Variants in VSIG10L observed in about 807,000 individuals in gnomAD.
VSIG10L encodes the protein V-set and immunoglobulin domain-containing protein 10-like.
In VSIG10L, 63 loss-of-function variants were observed where a neutral mutation model predicts 67.3. The ratio of observed to expected loss-of-function variants is 0.94; its 90% CI spans 0.76 to 1.15. The LOEUF (loss-of-function observed/expected upper bound fraction) is 1.15. Ranked by LOEUF, VSIG10L falls within the 50% of genes most tolerant of loss-of-function variation. The pLI, the probability that VSIG10L is intolerant of heterozygous loss-of-function variation, is 0.00. For synonymous variants in VSIG10L, 499 were observed against 524.9 expected (o/e 0.95, Z 0.67); for missense variants, 1,050 against 1,177.5 (o/e 0.89, Z 1.58).
Position 51,340,202 on chromosome 19 carries a change from G to A in VSIG10L, c.1287C>T (p.Ala429=), listed in dbSNP as rs1274643187. ...TGTCGGCGGGCGGCCGCGAGGCGGC[G>A]GCGCAGCGCAAGGTCACGTTACTGC... ...TAGSNVTLRC[A]AASRPPADIT... The change falls in exon 4 of 10, where the codon GCC becomes GCT. Residue 429 remains alanine, a synonymous_variant. Coordinates refer to ENST00000335624, the MANE Select transcript of VSIG10L (RefSeq NM_001163922.3). This position sits in a 1 kb window ranked among gnomAD's most constrained non-coding sequence, Gnocchi z 6.3. The A allele has an allele frequency of 1.4e-6, 2 of 1,460,654 alleles. No individual in the cohort carries two copies. The highest frequency in any genetic ancestry group is 1.8e-6 in the Non-Finnish European group (2 of 1,111,772). The allele number at this position is 1,460,654 out of a possible 1,614,324, so 90.5% of individuals were successfully genotyped here.
Position 51,340,268 on chromosome 19 carries a change from G to T in VSIG10L, c.1221C>A (p.Ser407=). 2 of 1,518,982 alleles carry T rather than the reference G, an allele frequency of 1.3e-6. No individual in the cohort carries two copies. Among genetic ancestry groups the T allele is most frequent in the South Asian group, 2.4e-5 (2 of 82,976 alleles). The allele number at this position is 1,518,982 out of a possible 1,614,324, so 94.1% of individuals were successfully genotyped here. ...YGPDPPTITV[S]SDRDAAPARF... is the part of the protein sequence containing the mutation. ...GGGCAGGCGCGGCGTCGCGGTCCGA[G>T]GAGACCGTGATGGTCGGCGGGTCCG... Residue 407 remains serine (S), a synonymous_variant, in exon 4 of 10, where the codon TCC becomes TCA. Transcript: ENST00000335624. This position sits in a 1 kb window ranked among gnomAD's most constrained non-coding sequence, Gnocchi z 6.3.
rs906071425 is a variant in VSIG10L, at chr19:51,341,488, G to C, written c.560C>G (p.Ser187Ter). Residue 187 changes from serine (S) to a stop codon, truncating the protein, a stop_gained, in exon 2 of 10, where the codon TCA becomes TGA. Transcript: ENST00000335624. LOFTEE classifies it high-confidence loss of function. Reference sequence around the variant, plus strand: ...CACCTGCTGGGGAAAGCTTGCAGCTGAGTGGGTCTCTGCAGAAAATTTGGA... The same window carrying C: ...CACCTGCTGGGGAAAGCTTGCAGCTCAGTGGGTCTCTGCAGAAAATTTGGA... ...PESKFSAETH[S>*]AASFPQQVGG... 1.3e-6 allele frequency: 2 copies of C among 1,550,148 alleles called. No individual in the cohort carries two copies. Among genetic ancestry groups the C allele is most frequent in the African/African-American group, 2.7e-5 (2 of 72,930 alleles).
At chr19:51,333,540 A>G (rs1444198264) in intron 9 of VSIG10L, among the ~76,000 whole-genome samples, 1 of 152,072 alleles carries the variant, frequency 6.6e-6, no homozygotes, top group Non-Finnish European at 1.5e-5. Flanking sequence ...AAAAAAAAAA[A>G]AAAGAGAGAG....
In VSIG10L at chr19:51,340,048, G is replaced by C; in HGVS notation, c.1441C>G (p.Arg481Gly). 1.4e-6 allele frequency: 2 copies of C among 1,437,136 alleles called. No homozygotes were observed. The highest frequency in any genetic ancestry group is 1.8e-6 in the Non-Finnish European group (2 of 1,097,262). The allele number at this position is 1,437,136 out of a possible 1,614,324, so 89.0% of individuals were successfully genotyped here. Reference protein sequence around the residue: ...CLAANPRTGRRRRSLLNLTVA... With the variant: ...CLAANPRTGRGRRSLLNLTVA... ...GTAAGGTTGAGCAGCGAGCGGCGGCGGCGGCCGGTACGCGGGTTCGCCGCC... is the reference window on the plus strand; with the variant it reads ...GTAAGGTTGAGCAGCGAGCGGCGGCCGCGGCCGGTACGCGGGTTCGCCGCC... The change falls in exon 4 of 10, where the codon CGC becomes GGC. Residue 481 changes from arginine to glycine, a missense_variant. Around this residue, in one of 3 missense-constraint regions of VSIG10L, gnomAD observed 529 missense variants for 584.9 expected, o/e 0.90. Transcript: ENST00000335624. The surrounding 1 kb of genome is among the most constrained non-coding windows in gnomAD (Gnocchi z 6.3).
In VSIG10L at chr19:51,337,340, C is replaced by T. The variant is rs957011540; in HGVS notation, c.2203G>A (p.Val735Met). The T allele has an allele frequency of 9.0e-6, 14 of 1,551,454 alleles. No homozygotes were observed. Among genetic ancestry groups the T allele is most frequent in the Admixed American group, 3.9e-5 (2 of 50,986 alleles). Residue 735 changes from valine to methionine, a missense_variant, in exon 7 of 10, where the codon GTG becomes ATG. Val to Met is a conservative substitution (Grantham distance 21). Transcript: ENST00000335624. ...ILGPQERSAVVPLPPRNPGTW... is the reference protein window; with the variant it reads ...ILGPQERSAVMPLPPRNPGTW... ...CCTGGGTTCCGAGGTGGAAGGGGCA[C>T]CACGGCTGACCGCTCCTGAGGCCCC...
chr19:51,336,620 G>A (rs1244254650), intron 7 of VSIG10L, among the ~76,000 whole-genome samples: 1 of 152,106 alleles, frequency 6.6e-6, no homozygotes, highest in Non-Finnish European at 1.5e-5. Flanking sequence ...GAAGCCTGTG[G>A]GAAGCTGGAG....
chr19:51,340,202 G>GGCGCA lies in VSIG10L; in HGVS notation c.1282_1286dup (p.Ala431ProfsTer259), dbSNP rs1302851198. On this transcript the variant is annotated frameshift_variant, in exon 4 of 10. Coordinates refer to ENST00000335624, the MANE Select transcript of VSIG10L (RefSeq NM_001163922.3). LOFTEE classifies it high-confidence loss of function. This position sits in a 1 kb window ranked among gnomAD's most constrained non-coding sequence, Gnocchi z 6.3. Reference sequence around the variant, plus strand: ...TGTCGGCGGGCGGCCGCGAGGCGGCGGCGCAGCGCAAGGTCACGTTACTGC... The same window carrying GGCGCA: ...TGTCGGCGGGCGGCCGCGAGGCGGCGGCGCAGCGCAGCGCAAGGTCACGTTACTGC... 2.7e-6 allele frequency: 4 copies of GGCGCA among 1,460,548 alleles called. No individual in the cohort carries two copies. In the African/African-American group the frequency reaches 5.9e-5, roughly 21 times the overall value. 90.5% of individuals were successfully genotyped at this position (1,460,548 alleles called of 1,614,324 possible).
Position 51,341,349 on chromosome 19 carries a change from C to G in VSIG10L, c.699G>C (p.Leu233=). ...LVVWRRGSKV[L]AAGGLGPGAP... The stretch of plus-strand genomic sequence containing the variant: ...CCCCTGGCCCCAGGCCCCCAGCTGC[C>G]AGCACCTTTGAGCCCCGGCGCCAGA... The change falls in exon 2 of 10, where the codon CTG becomes CTC. Residue 233 remains leucine (L), a synonymous_variant. Transcript: ENST00000335624. The G allele has an allele frequency of 6.5e-7, 1 of 1,541,312 alleles. No homozygotes were observed. Among genetic ancestry groups the G allele is most frequent in the Non-Finnish European group, 8.7e-7 (1 of 1,146,024 alleles).
intron 9 of VSIG10L, among the ~76,000 whole-genome samples, 189 bp from the exon 10 acceptor site, chr19:51,332,829 A>G (rs1474676928): frequency 6.6e-6 from 1 of 151,610 alleles, no homozygotes; most frequent in Non-Finnish European, 1.5e-5. Context: ...AACCCAACCC[A>G]GTTGTTATTT....
intron 9 of VSIG10L, among the ~76,000 whole-genome samples, chr19:51,333,256 T>TAGTG (rs1276943335): frequency 6.6e-6 from 1 of 152,050 alleles, no homozygotes. Context: ...GGGCTGGGCG[T>TAGTG]AGTGGCTCAT....
intron 5 of VSIG10L, among the ~76,000 whole-genome samples, chr19:51,338,509 T>G (rs975163813): frequency 6.6e-6 from 1 of 152,162 alleles, no homozygotes; most frequent in Admixed American, 6.5e-5. Context: ...CAATAATAAT[T>G]ACAAGACTGG....
In VSIG10L at chr19:51,341,962, T is replaced by C; in HGVS notation, c.86A>G (p.Gln29Arg). The C allele has an allele frequency of 6.4e-7, 1 of 1,551,632 alleles. No individual in the cohort carries two copies. The highest frequency in any genetic ancestry group is 8.7e-7 in the Non-Finnish European group (1 of 1,146,962). ...GAAGGCAGAGGAGAAGTTGGTTTGC[T>C]GAAGTCCAGAAGAGGCTCTGAGGGT... is the stretch of plus-strand genomic sequence containing the variant. Reference protein sequence around the residue: ...ILTLRASSGLQQTNFSSAFSS... With the variant: ...ILTLRASSGLRQTNFSSAFSS... Residue 29 changes from glutamine (Q) to arginine (R), a missense_variant, in exon 2 of 10, where the codon CAG (glutamine) becomes CGG (arginine). By Grantham distance (43) the Gln-to-Arg change is conservative (BLOSUM62 1). Coordinates refer to ENST00000335624, the MANE Select transcript of VSIG10L (RefSeq NM_001163922.3).
rs1228976796 is a variant in VSIG10L, at chr19:51,333,861, G to A, written c.2504C>T (p.Pro835Leu). 2.6e-6 allele frequency: 4 copies of A among 1,551,580 alleles called. No homozygotes were observed. In the African/African-American group the frequency reaches 4.1e-5, roughly 16 times the overall value. Reference protein sequence around the residue: ...PSEKKMHSVTPVEISWPLDLK... With the variant: ...PSEKKMHSVTLVEISWPLDLK... ...GTCCAGAGGCCATGAAATCTCCACT[G>A]GGGTCACACTATGCATCTTCTTTTC... is the stretch of plus-strand genomic sequence containing the variant. Residue 835 changes from proline (P) to leucine (L), a missense_variant, in exon 9 of 10, where the codon CCA (proline) becomes CTA (leucine). Transcript: ENST00000335624.
intron 5 of VSIG10L, among the ~76,000 whole-genome samples, chr19:51,338,638 G>A (rs556440107): frequency 6.6e-6 from 1 of 152,208 alleles, no homozygotes; most frequent in African/African-American, 2.4e-5. Flanking sequence ...AAATATCACT[G>A]CTTTATCTCT....
At chr19:51,339,852 G>A in intron 4 of VSIG10L, 163 bp downstream of exon 4, 1 of 907,926 alleles carries the variant, frequency 1.1e-6, no homozygotes, top group African/African-American at 1.8e-5. Flanking sequence ...CCCCACCACG[G>A]GTATCCCAGC....
In VSIG10L at chr19:51,340,313, G is replaced by A; in HGVS notation, c.1190-14C>T. 1 of 1,499,334 alleles carries A rather than the reference G, an allele frequency of 6.7e-7. No individual in the cohort carries two copies. The highest frequency in any genetic ancestry group is 8.9e-7 in the Non-Finnish European group (1 of 1,128,100). The allele number at this position is 1,499,334 out of a possible 1,614,324, so 92.9% of individuals were successfully genotyped here. On this transcript the variant is annotated splice_polypyrimidine_tract_variant and intron_variant, in intron 3 of 9. Coordinates refer to ENST00000335624, the MANE Select transcript of VSIG10L (RefSeq NM_001163922.3). This position sits in a 1 kb window ranked among gnomAD's most constrained non-coding sequence, Gnocchi z 6.3. The stretch of plus-strand genomic sequence containing the variant: ...GGTCCGGGCCGTCTGGAGGGAGGAG[G>A]GGTCGGGACCGCGAGTGTCAGGGTC...
rs761664372 is a variant in VSIG10L, at chr19:51,341,986, G to T, written c.62C>A (p.Thr21Asn). Residue 21 changes from threonine (T) to asparagine (N), a missense_variant, in exon 2 of 10, where the codon ACC (threonine) becomes AAC (asparagine). Physicochemically the swap from Thr to Asn is moderately conservative, Grantham distance 65. Transcript: ENST00000335624. Reference sequence around the variant, plus strand: ...CTGAAGTCCAGAAGAGGCTCTGAGGGTGAGGATCCCTACCAAGGAGGCTGC... The same window carrying T: ...CTGAAGTCCAGAAGAGGCTCTGAGGTTGAGGATCCCTACCAAGGAGGCTGC... ...LLLASLVGILTLRASSGLQQT... is the reference protein window; with the variant it reads ...LLLASLVGILNLRASSGLQQT... 1 of 1,551,742 alleles carries T rather than the reference G, an allele frequency of 6.4e-7. No individual in the cohort carries two copies. Among genetic ancestry groups the T allele is most frequent in the East Asian group, 2.4e-5 (1 of 40,918 alleles).
intron 7 of VSIG10L, among the ~76,000 whole-genome samples, chr19:51,335,493 G>A (rs1033198724): frequency 9.9e-5 from 15 of 152,216 alleles, no homozygotes; most frequent in African/African-American, 3.6e-4. Context: ...AGGATGTCAG[G>A]GGTGATGTGG....
At position 51,332,391 on chromosome 19, in the gene VSIG10L, A is replaced by G; in HGVS notation, c.*220T>C. 1.6e-6 allele frequency: 1 copy of G among 639,126 alleles called. No individual in the cohort carries two copies. The highest frequency in any genetic ancestry group is 1.7e-5 in the South Asian group (1 of 58,512). The allele number at this position is 639,126 out of a possible 1,614,324, so 39.6% of individuals were successfully genotyped here. A position where few individuals can be genotyped will look rare whatever the true frequency, so the allele number is the denominator to read the frequency against. ...ATCAGCAAGAGTTTCCCAGCCAAGAAGTCACATCTCCTTACTTGCACAAAT... is the reference window on the plus strand; with the variant it reads ...ATCAGCAAGAGTTTCCCAGCCAAGAGGTCACATCTCCTTACTTGCACAAAT... On this transcript the variant is annotated 3_prime_UTR_variant, in exon 10 of 10. Transcript: ENST00000335624.
Sources: allele counts gnomAD v4.1 joint callset (sites outside exome capture counted in the v4.1 genomes callset), GRCh38; gene constraint gnomAD v4.1.1; regional missense constraint gnomAD v4.1.1; non-coding constraint Gnocchi (gnomAD v3.1); transcripts MANE v1.5; gene names NCBI Gene and HGNC (gene_info 2026-07-23, HGNC 2026-07-21).